Variants in WSCD2 observed in about 807,000 individuals in gnomAD.
WSCD2 encodes WSC domain sialate O sulfotransferase 2, also known as sialate:O-sulfotransferase 2.
In WSCD2, 28 loss-of-function variants were observed where a neutral mutation model predicts 55.7. The observed-to-expected ratio is 0.50, with a 90% confidence interval of 0.37 to 0.69. The LOEUF (loss-of-function observed/expected upper bound fraction) is 0.69, where lower values mean the gene tolerates loss of function less well. Among genes scored for constraint, WSCD2 ranks in the 30% least tolerant of loss-of-function variants. The probability of loss-of-function intolerance (pLI) is 0.00; values close to 1 mark genes in which losing one functional copy is unlikely to be tolerated. For synonymous variants in WSCD2, 301 were observed against 301.9 expected (o/e 1.00, Z 0.03); for missense variants, 616 against 762.1 (o/e 0.81, Z 2.26).
In WSCD2 at chr12:108,196,456, C is replaced by T. The variant is rs1592993369; in HGVS notation, c.382+242C>T. ...AAGAGGCAAGTTTGGATTTGAACTC[C>T]ACATCTATCAGAGGTCAAAGTCTGA... On this transcript the variant is annotated intron_variant, in intron 2 of 8. Transcript: ENST00000547525. The T allele has an allele frequency of 5.6e-6, 3 of 531,784 alleles. No individual in the cohort carries two copies. The East Asian group carries it at 9.9e-5, about 18-fold the overall frequency. The allele number at this position is 531,784 out of a possible 1,614,324, so 32.9% of individuals were successfully genotyped here. A position where few individuals can be genotyped will look rare whatever the true frequency, so the allele number is the denominator to read the frequency against.
At chr12:108,233,254 T>C (rs988297211) in intron 7 of WSCD2, 1 of 178,324 alleles carries the variant, frequency 5.6e-6, no homozygotes, top group African/African-American at 2.3e-5. Flanking sequence ...AACTCTTTGA[T>C]GTAATAGAGG....
intron 1 of WSCD2, among the ~76,000 whole-genome samples, chr12:108,180,050 C>CAAAAAAAAAAAAA (rs59925486): frequency 2.2e-4 from 26 of 116,668 alleles, no homozygotes; most frequent in South Asian, 2.7e-4. Context: ...CTCAAAAAAA[C>CAAAAAAAAAAAAA]AAAAAAAAAA....
At chr12:108,209,469 G>C (rs1885840352) in intron 3 of WSCD2, among the ~76,000 whole-genome samples, 1 of 152,190 alleles carries the variant, frequency 6.6e-6, no homozygotes, top group Non-Finnish European at 1.5e-5. Flanking sequence ...GGAGACCACA[G>C]GATCTGGGGT....
rs555530217 is a variant in WSCD2, at chr12:108,247,814, C to A, written c.1346-177C>A. Among the ~76,000 whole-genome samples the A allele has an allele frequency of 7.4e-4, 112 of 152,354 alleles. 4 individuals carry two copies. The South Asian group carries it at 0.023, about 31-fold the overall frequency. On this transcript the variant is annotated intron_variant, in intron 8 of 8. Coordinates refer to ENST00000547525, the MANE Select transcript of WSCD2 (RefSeq NM_014653.4). ...TCAAGCTGTCCTCCAGCCTTGGCCTCCCAAAGTGCTGGGATTATAGGTGTG... is the reference window on the plus strand; with the variant it reads ...TCAAGCTGTCCTCCAGCCTTGGCCTACCAAAGTGCTGGGATTATAGGTGTG...
At chr12:108,158,809 T>C (rs950262745) in intron 1 of WSCD2, among the ~76,000 whole-genome samples, 66 of 152,128 alleles carry the variant, frequency 4.3e-4, no homozygotes, top group Non-Finnish European at 7.9e-4. Flanking sequence ...GCCACAAGTA[T>C]TACCTGAGCA....
chr12:108,190,926 C>T (rs1883081609), intron 1 of WSCD2, among the ~76,000 whole-genome samples: 1 of 152,154 alleles, frequency 6.6e-6, no homozygotes, highest in Non-Finnish European at 1.5e-5. Context: ...GAATCCTCCC[C>T]ACACCTCTGG....
At chr12:108,188,010 A>C (rs1307118394) in intron 1 of WSCD2, among the ~76,000 whole-genome samples, 1 of 152,188 alleles carries the variant, frequency 6.6e-6, no homozygotes, top group Non-Finnish European at 1.5e-5. Flanking sequence ...ACAAAATTTT[A>C]ATATTTATTT....
intron 1 of WSCD2, among the ~76,000 whole-genome samples, chr12:108,144,925 T>A (rs1248736226): frequency 6.6e-6 from 1 of 152,178 alleles, no homozygotes; most frequent in African/African-American, 2.4e-5. Flanking sequence ...GAGCCAAGAT[T>A]TGAACTCTGG....
intron 1 of WSCD2, among the ~76,000 whole-genome samples, chr12:108,173,492 C>G (rs1324648629): frequency 6.6e-6 from 1 of 152,116 alleles, no homozygotes; most frequent in Non-Finnish European, 1.5e-5. Flanking sequence ...CCCACCCTCC[C>G]CTGCCTTCAT....
chr12:108,149,151 CCT>C (rs1319767514), intron 1 of WSCD2, among the ~76,000 whole-genome samples: 12 of 152,334 alleles, frequency 7.9e-5, no homozygotes, highest in East Asian at 3.9e-4. Context: ...TCATGTGAAA[CCT>C]CTTTGTCCTT....
chr12:108,177,310 C>G (rs1881014290), intron 1 of WSCD2, among the ~76,000 whole-genome samples: 1 of 152,100 alleles, frequency 6.6e-6, no homozygotes, highest in Non-Finnish European at 1.5e-5. Context: ...GTGGAGAGAG[C>G]TGGCATGGTG....
intron 1 of WSCD2, among the ~76,000 whole-genome samples, chr12:108,145,931 T>C (rs1877335611): frequency 6.6e-6 from 1 of 152,166 alleles, no homozygotes; most frequent in Admixed American, 6.5e-5. Context: ...AACTACATTA[T>C]AGTGTTTAGG....
chr12:108,219,822 C>T (rs1386203984), intron 4 of WSCD2, among the ~76,000 whole-genome samples: 1 of 152,256 alleles, frequency 6.6e-6, no homozygotes, highest in Non-Finnish European at 1.5e-5. Flanking sequence ...TGTAGCAACC[C>T]TCCAAGCTCT....
At chr12:108,152,548 C>T (rs573010106) in intron 1 of WSCD2, among the ~76,000 whole-genome samples, 3 of 152,100 alleles carry the variant, frequency 2.0e-5, no homozygotes, top group Non-Finnish European at 2.9e-5. Context: ...GGGATGATGA[C>T]GAACTTCCCC....
chr12:108,179,247 G>A (rs1881332708), intron 1 of WSCD2, among the ~76,000 whole-genome samples: 1 of 150,334 alleles, frequency 6.7e-6, no homozygotes, highest in Non-Finnish European at 1.5e-5. Context: ...GCTGTGTCAG[G>A]AACTTTCAGC....
intron 4 of WSCD2, among the ~76,000 whole-genome samples, chr12:108,211,742 A>G (rs1017154471): frequency 6.7e-6 from 1 of 150,172 alleles, no homozygotes; most frequent in Non-Finnish European, 1.5e-5. Context: ...CAACCCCCGT[A>G]TGCCAGGTTC....
chr12:108,180,996 C>A (rs1881657124), intron 1 of WSCD2, among the ~76,000 whole-genome samples: 1 of 152,238 alleles, frequency 6.6e-6, no homozygotes, highest in Non-Finnish European at 1.5e-5. Flanking sequence ...GGACACCCAG[C>A]CTGTCCTGCA....
chr12:108,135,894 A>G (rs1876155078), intron 1 of WSCD2, among the ~76,000 whole-genome samples: 1 of 152,250 alleles, frequency 6.6e-6, no homozygotes, highest in Non-Finnish European at 1.5e-5. Context: ...GTCAAGCTAC[A>G]ACAGGAATGT....
At position 108,224,792 on chromosome 12, in the gene WSCD2, G is replaced by A; in HGVS notation, c.736G>A (p.Ala246Thr). The change falls in exon 5 of 9, where the codon GCC becomes ACC. Residue 246 changes from alanine (A) to threonine (T), a missense_variant. By Grantham distance (58) the Ala-to-Thr change is moderately conservative (BLOSUM62 0). Coordinates refer to ENST00000547525, the MANE Select transcript of WSCD2 (RefSeq NM_014653.4). ...CFRRPDNLSLALPVTAAMLNM... is the reference protein window; with the variant it reads ...CFRRPDNLSLTLPVTAAMLNM... Reference sequence around the variant, plus strand: ...CCGCAGGCCCGACAACCTTTCCCTGGCCTTACCCGTGACAGCTGCCATGCT... The same window carrying A: ...CCGCAGGCCCGACAACCTTTCCCTGACCTTACCCGTGACAGCTGCCATGCT... 6.2e-7 allele frequency: 1 copy of A among 1,613,674 alleles called. No homozygotes were observed. The highest frequency in any genetic ancestry group is 8.5e-7 in the Non-Finnish European group (1 of 1,180,038).
Sources: gnomAD v4.1 joint callset for allele counts (sites outside exome capture counted in the v4.1 genomes callset) on GRCh38, gnomAD v4.1.1 for gene constraint, MANE v1.5 for transcripts, NCBI Gene and HGNC (gene_info 2026-07-23, HGNC 2026-07-21) for gene names.